The following GTF2H2C variants were observed in gnomAD, a reference collection of about 807,000 sequenced individuals.
The protein encoded by GTF2H2C is general transcription factor IIH subunit 2-like protein.
A neutral mutation model predicts 24.8 loss-of-function variants in GTF2H2C; 5 were observed. That is an observed-to-expected ratio of 0.20 (90% confidence interval 0.11 to 0.42). GTF2H2C has a LOEUF of 0.42. Ranked by LOEUF, GTF2H2C falls within the 20% of genes least tolerant of loss-of-function variation. The pLI is 1.00. For missense variants in GTF2H2C, 45 were observed against 169.8 expected (o/e 0.27, Z 4.08); for synonymous variants, 14 against 52.6 (o/e 0.27, Z 3.18).
chr5:69,564,778 C>G (rs533322560), intron 2 of GTF2H2C, among the ~76,000 whole-genome samples: 1 of 150,462 alleles, frequency 6.6e-6, no homozygotes, highest in South Asian at 2.1e-4. Flanking sequence ...TATAATAGTT[C>G]AACTACGCCC....
At chr5:69,575,415 GA>G (rs1771292175) in intron 9 of GTF2H2C, among the ~76,000 whole-genome samples, 1 of 115,406 alleles carries the variant, frequency 8.7e-6, no homozygotes, top group South Asian at 2.8e-4. Context: ...AAAAGTGTAA[GA>G]GGGGCTGGGC....
chr5:69,564,992 TG>T, intron 2 of GTF2H2C, 107 bp from the exon 3 acceptor site: 1 of 975,114 alleles, frequency 1.0e-6, no homozygotes, highest in Non-Finnish European at 1.5e-6. Flanking sequence ...TAAGATGACC[TG>T]GCATTCCATT....
At chr5:69,566,660 C>T in intron 5 of GTF2H2C, 35 bp downstream of exon 5, 1 of 1,153,226 alleles carries the variant, frequency 8.7e-7, no homozygotes, top group Non-Finnish European at 1.2e-6. Context: ...TAGTACAGAA[C>T]TAGTTTAGGT....
rs1772117068 is a variant in GTF2H2C, at chr5:69,594,478, CT to C, written c.*2281del. The C allele has an allele frequency of 6.7e-6, 1 of 148,560 alleles. No individual in the cohort carries two copies. Among genetic ancestry groups the C allele is most frequent in the South Asian group, 2.2e-4 (1 of 4,570 alleles). 9.2% of individuals were successfully genotyped at this position (148,560 alleles called of 1,614,324 possible). A position where few individuals can be genotyped will look rare whatever the true frequency, so the allele number is the denominator to read the frequency against. On this transcript the variant is annotated 3_prime_UTR_variant, in exon 17 of 17. Transcript: ENST00000380729. ...ACACACACACACACACACACACACA[CT>C]GATCAGAGTAACGGGAGTTTCTCTC...
In GTF2H2C at chr5:69,594,432, T is replaced by G. The variant is rs1319178804; in HGVS notation, c.*2234T>G. ...ATTGGGAGCCCAGGAATATTCATTT[T>G]TAATACACACACACACACACACACA... On this transcript the variant is annotated 3_prime_UTR_variant, in exon 17 of 17. Transcript: ENST00000380729. The G allele has an allele frequency of 1.7e-5, 2 of 114,682 alleles. No homozygotes were observed. Among genetic ancestry groups the G allele is most frequent in the African/African-American group, 6.2e-5 (2 of 32,426 alleles). The allele number at this position is 114,682 out of a possible 1,614,324, so 7.1% of individuals were successfully genotyped here.
At chr5:69,590,082 G>T (rs1459991827) in intron 15 of GTF2H2C, among the ~76,000 whole-genome samples, 1 of 150,646 alleles carries the variant, frequency 6.6e-6, no homozygotes, top group African/African-American at 2.4e-5. Flanking sequence ...ACGGGGTTTC[G>T]CCACGTTGGC....
At position 69,566,278 on chromosome 5, in the gene GTF2H2C, C is replaced by G. The variant is rs1770753174; in HGVS notation, c.134+70C>G. The G allele has an allele frequency of 2.6e-6, 4 of 1,525,848 alleles. No homozygotes were observed. The Admixed American group carries it at 5.5e-5, about 21-fold the overall frequency. The allele number at this position is 1,525,848 out of a possible 1,614,324, so 94.5% of individuals were successfully genotyped here. On this transcript the variant is annotated intron_variant, in intron 4 of 16. Transcript: ENST00000380729. ...TTTTAAGCCTTTCTATCTATAAATACTCCTCAGTACTTCATTTTAGCTGTG... is the reference window on the plus strand; with the variant it reads ...TTTTAAGCCTTTCTATCTATAAATAGTCCTCAGTACTTCATTTTAGCTGTG...
chr5:69,563,657 T>G (rs1300913160), intron 2 of GTF2H2C, among the ~76,000 whole-genome samples: 1 of 152,064 alleles, frequency 6.6e-6, no homozygotes, highest in Non-Finnish European at 1.5e-5. Flanking sequence ...ACATAGTACC[T>G]GATAGGCAGT....
At chr5:69,563,298 TC>T (rs1473503913) in intron 2 of GTF2H2C, among the ~76,000 whole-genome samples, 1 of 149,440 alleles carries the variant, frequency 6.7e-6, no homozygotes, top group Non-Finnish European at 1.5e-5. Flanking sequence ...CATTGCAGCT[TC>T]TGCCCTCCAG....
intron 2 of GTF2H2C, among the ~76,000 whole-genome samples, chr5:69,563,238 G>A (rs1770508020): frequency 7.3e-6 from 1 of 136,154 alleles, no homozygotes; most frequent in Admixed American, 7.2e-5. Flanking sequence ...TTTTTGAGAC[G>A]GAGTCTTGCT....
chr5:69,561,168 A>T (rs1377980265), intron 1 of GTF2H2C, among the ~76,000 whole-genome samples: 7 of 151,966 alleles, frequency 4.6e-5, no homozygotes. Context: ...GCATGTTTAC[A>T]ATCAGACTTC....
intron 3 of GTF2H2C, 44 bp downstream of exon 3, chr5:69,565,232 C>CT (rs542566939): frequency 1.0e-3 from 535 of 530,322 alleles, no homozygotes; most frequent in South Asian, 1.1e-3. Flanking sequence ...TAGACAATGT[C>CT]TTTTTTTTTC....
chr5:69,564,797 T>C (rs1327429416), intron 2 of GTF2H2C, among the ~76,000 whole-genome samples: 19 of 151,394 alleles, frequency 1.3e-4, no homozygotes, highest in Non-Finnish European at 2.9e-5. Context: ...CCATACTGAC[T>C]CCTCACAAGT....
Position 69,565,149 on chromosome 5 carries a change from A to G in GTF2H2C, c.17A>G (p.Glu6Gly). MDEEP[E>G]RTKRWEGGYE... ...TTGAAAAAAATGGATGAAGAACCTG[A>G]AAGAACTAAGCGATGGGAAGGAGGC... The change falls in exon 3 of 17, where the codon GAA (glutamate) becomes GGA (glycine). Residue 6 changes from glutamate (E) to glycine (G), a missense_variant. Coordinates refer to ENST00000380729, the MANE Select transcript of GTF2H2C (RefSeq NM_001376000.2). 1.5e-6 allele frequency: 1 copy of G among 675,198 alleles called. No homozygotes were observed. Among genetic ancestry groups the G allele is most frequent in the East Asian group, 2.8e-5 (1 of 35,738 alleles). The allele number at this position is 675,198 out of a possible 1,614,324, so 41.8% of individuals were successfully genotyped here.
chr5:69,563,699 T>A (rs1244302574), intron 2 of GTF2H2C, among the ~76,000 whole-genome samples: 1 of 152,086 alleles, frequency 6.6e-6, no homozygotes, highest in Non-Finnish European at 1.5e-5. Flanking sequence ...CATCCTTCCC[T>A]GTCTAATAGT....
chr5:69,573,061 A>G (rs1485835852), intron 9 of GTF2H2C, among the ~76,000 whole-genome samples: 2 of 142,730 alleles, frequency 1.4e-5, no homozygotes, highest in African/African-American at 2.6e-5. Flanking sequence ...CATATTATAT[A>G]TATAATTTAT....
chr5:69,560,408 C>T lies in GTF2H2C; in HGVS notation c.-132+5C>T, dbSNP rs1472763975. On this transcript the variant is annotated splice_donor_5th_base_variant and intron_variant, in intron 1 of 16. Transcript: ENST00000380729. ...AGCTTGTGAAGGCAGAGGAAGGTAA[C>T]TTTCGTCTGGGGAGCCGCAGAGTAG... 1 of 147,104 alleles carries T rather than the reference C, an allele frequency of 6.8e-6. No individual in the cohort carries two copies. The highest frequency in any genetic ancestry group is 1.5e-5 in the Non-Finnish European group (1 of 66,756). 9.1% of individuals were successfully genotyped at this position (147,104 alleles called of 1,614,324 possible). A position where few individuals can be genotyped will look rare whatever the true frequency, so the allele number is the denominator to read the frequency against.
chr5:69,589,238 A>AT (rs1168632437), intron 15 of GTF2H2C, among the ~76,000 whole-genome samples: 1 of 48,166 alleles, frequency 2.1e-5, no homozygotes, highest in African/African-American at 6.8e-5. Flanking sequence ...AGCTGAGAAT[A>AT]TTTTTATAGG....
intron 2 of GTF2H2C, among the ~76,000 whole-genome samples, chr5:69,563,527 G>GTTTGT (rs979123478): frequency 3.4e-5 from 5 of 148,410 alleles, no homozygotes; most frequent in Non-Finnish European, 7.4e-5. Context: ...GCCTGTGTTT[G>GTTTGT]TTTGTTTTGT....
Sources: gnomAD v4.1 joint callset for allele counts (sites outside exome capture counted in the v4.1 genomes callset) on GRCh38, gnomAD v4.1.1 for gene constraint, MANE v1.5 for transcripts, NCBI Gene and HGNC (gene_info 2026-07-23, HGNC 2026-07-21) for gene names.